Variants in BIRC6 observed in about 807,000 individuals in gnomAD.
BIRC6 encodes the protein dual E2 ubiquitin-conjugating enzyme/E3 ubiquitin-protein ligase BIRC6.
In BIRC6, 98 loss-of-function variants were observed where a neutral mutation model predicts 503.3. The observed-to-expected ratio is 0.19, with a 90% CI of 0.17 to 0.23. The LOEUF is 0.23. BIRC6 is among the 10% of genes least tolerant of loss of function. The pLI is 1.00. For synonymous variants in BIRC6, 2,240 were observed against 2,078.7 expected, an observed-to-expected ratio of 1.08 and a Z score of -2.11; for missense variants, 5,360 against 5,806.0, an observed-to-expected ratio of 0.92 and a Z score of 2.50.
rs546249929 is a variant in BIRC6 at position 32,525,456 on chromosome 2, T to C, written c.11756-8T>C. On this transcript the variant is annotated splice_polypyrimidine_tract_variant and splice_region_variant and intron_variant, in intron 58 of 73. Coordinates refer to ENST00000421745, the MANE Select transcript of BIRC6 (RefSeq NM_016252.4). ...CTATGTAGAATCTTACTGATCCTTTTCTTTTAGGGCTGAAGTCTCAATCTA... is the reference window on the plus strand; with the variant it reads ...CTATGTAGAATCTTACTGATCCTTTCCTTTTAGGGCTGAAGTCTCAATCTA... 3.1e-6 allele frequency: 5 copies of C among 1,613,940 alleles called. No homozygotes were observed. The African/African-American group carries it at 6.7e-5, about 22-fold the overall frequency.
At chr2:32,461,835 C>A (rs186500543) in intron 23 of BIRC6, among the ~76,000 whole-genome samples, 175 of 152,024 alleles carry the variant, frequency 1.2e-3, no homozygotes, top group African/African-American at 4.1e-3. Context: ...TATTTTTGTA[C>A]CTCATACGTA....
At position 32,597,743 on chromosome 2, in the gene BIRC6, C is replaced by A; in HGVS notation, c.13613-8C>A. ...AGTTCTGGGTTTTATTTTTTCTTCTCCTTTTAGATACGTTTGAAATGGTTT... is the reference window on the plus strand; with the variant it reads ...AGTTCTGGGTTTTATTTTTTCTTCTACTTTTAGATACGTTTGAAATGGTTT... On this transcript the variant is annotated splice_polypyrimidine_tract_variant and splice_region_variant and intron_variant, in intron 68 of 73. Transcript: ENST00000421745. The A allele has an allele frequency of 1.2e-6, 2 of 1,600,656 alleles. No individual in the cohort carries two copies. Among genetic ancestry groups the A allele is most frequent in the South Asian group, 1.1e-5 (1 of 90,494 alleles).
intron 49 of BIRC6, among the ~76,000 whole-genome samples, chr2:32,503,885 T>C (rs1180614939): frequency 6.6e-6 from 1 of 151,856 alleles, no homozygotes; most frequent in African/African-American, 2.4e-5. Context: ...TGGTGCTGTG[T>C]TTTGTTTTGA....
chr2:32,570,167 T>C (rs1159363480), intron 65 of BIRC6, among the ~76,000 whole-genome samples: 1 of 152,224 alleles, frequency 6.6e-6, no homozygotes, highest in Non-Finnish European at 1.5e-5. Context: ...GAAATGACTA[T>C]AGAGTTTTTG....
rs375238387 is a variant in BIRC6, at chr2:32,521,079, CA to C, written c.11623+2137del. ...TAATCGCTTTGGAAGTACACGACCT[CA>C]AAAGTTATATGTGCTGAATGTAACC... On this transcript the variant is annotated intron_variant, in intron 57 of 73. Coordinates refer to ENST00000421745, the MANE Select transcript of BIRC6 (RefSeq NM_016252.4). Among the ~76,000 whole-genome samples, 1,024 of 152,108 alleles carry C rather than the reference CA, an allele frequency of 6.7e-3. 6 individuals are homozygous for C. Among genetic ancestry groups the C allele is most frequent in the Middle Eastern group, 0.02 (6 of 294 alleles).
intron 1 of BIRC6, 70 bp from the exon 2 acceptor site, chr2:32,377,518 T>C (rs1036149398): frequency 3.7e-4 from 479 of 1,286,434 alleles, no homozygotes; most frequent in Non-Finnish European, 9.2e-5. Context: ...TTAGTCACTA[T>C]GTAAACATTT....
At chr2:32,453,779 G>A (rs775631645) in intron 22 of BIRC6, 29 bp from the exon 23 acceptor site, 18 of 1,604,134 alleles carry the variant, frequency 1.1e-5, no homozygotes, top group Non-Finnish European at 1.5e-5. Flanking sequence ...TTATCTTCAC[G>A]TGTTATAAAA....
chr2:32,418,588 G>T (rs2042618718), intron 10 of BIRC6, among the ~76,000 whole-genome samples: 1 of 152,112 alleles, frequency 6.6e-6, no homozygotes, highest in Non-Finnish European at 1.5e-5. Context: ...CTTGCTGTAG[G>T]TCATCTAAAA....
Position 32,515,067 on chromosome 2 carries a change from T to C in BIRC6, c.10646T>C (p.Met3549Thr). ...GCTGTTGACAGTCTACTTTGCTCAA[T>C]GTGTCACGTACACCCAAACTATTTT... Reference protein sequence around the residue: ...KKAVDSLLCSMCHVHPNYFSL... With the variant: ...KKAVDSLLCSTCHVHPNYFSL... The change falls in exon 55 of 74, where the codon ATG becomes ACG. Residue 3549 changes from methionine to threonine, a missense_variant. By Grantham distance (81) the Met-to-Thr change is moderately conservative. Coordinates refer to ENST00000421745, the MANE Select transcript of BIRC6 (RefSeq NM_016252.4). 1 of 1,613,978 alleles carries C rather than the reference T, an allele frequency of 6.2e-7. No homozygotes were observed. Among genetic ancestry groups the C allele is most frequent in the East Asian group, 2.2e-5 (1 of 44,874 alleles).
In BIRC6 at chr2:32,416,051, T is replaced by C. The variant is rs1294479002; in HGVS notation, c.2760T>C (p.Phe920=). ...TAAAAATACTAGATCTTTCAAACTT[T>C]GAAATTTTGGCCAAAGTGGAGCCTC... ...GYVKILDLSN[F]EILAKVEPPK... is the part of the protein sequence containing the mutation. The change falls in exon 10 of 74, where the codon TTT becomes TTC. Residue 920 remains phenylalanine, a synonymous_variant. Coordinates refer to ENST00000421745, the MANE Select transcript of BIRC6 (RefSeq NM_016252.4). 5 of 1,613,756 alleles carry C rather than the reference T, an allele frequency of 3.1e-6. No homozygotes were observed. The African/African-American group carries it at 5.3e-5, about 17-fold the overall frequency.
chr2:32,472,501 A>G (rs2049216465), intron 32 of BIRC6, among the ~76,000 whole-genome samples: 1 of 152,364 alleles, frequency 6.6e-6, no homozygotes, highest in East Asian at 1.9e-4. Flanking sequence ...GGGTTTGAAG[A>G]ACTTGAACTA....
intron 14 of BIRC6, 102 bp from the exon 15 acceptor site, chr2:32,435,951 T>G (rs1340710299): frequency 1.6e-6 from 1 of 629,314 alleles, no homozygotes; most frequent in African/African-American, 1.9e-5. Context: ...AGTATGATAT[T>G]TTGTGTGGTG....
At chr2:32,597,649 T>G (rs765810961) in intron 68 of BIRC6, 102 bp from the exon 69 acceptor site, 62 of 806,416 alleles carry the variant, frequency 7.7e-5, no homozygotes, top group Non-Finnish European at 1.2e-4. Flanking sequence ...TGGTTGGAAG[T>G]TCTCTCCAGT....
At chr2:32,395,794 A>G (rs1318254506) in intron 6 of BIRC6, among the ~76,000 whole-genome samples, 1 of 152,202 alleles carries the variant, frequency 6.6e-6, no homozygotes, top group Non-Finnish European at 1.5e-5. Context: ...CTTTCTAAAA[A>G]TTGTACACAA....
intron 25 of BIRC6, 59 bp downstream of exon 25, chr2:32,464,882 TC>T (rs2048359042): frequency 9.8e-6 from 15 of 1,530,546 alleles, no homozygotes; most frequent in Non-Finnish European, 1.3e-5. Flanking sequence ...TGAAATATAC[TC>T]TAACTTTAGA....
intron 73 of BIRC6, among the ~76,000 whole-genome samples, chr2:32,614,880 A>C (rs1295835957): frequency 3.3e-5 from 5 of 152,122 alleles, no homozygotes; most frequent in African/African-American, 1.2e-4. Context: ...CTCCACAATA[A>C]AATCATAGTA....
chr2:32,435,109 A>T (rs1057259836), intron 13 of BIRC6, among the ~76,000 whole-genome samples: 1 of 152,046 alleles, frequency 6.6e-6, no homozygotes, highest in Non-Finnish European at 1.5e-5. Context: ...GTGTATATGG[A>T]TATGTTCATA....
rs2061044366 is a variant in BIRC6 at position 32,586,506 on chromosome 2, A to C, written c.13356-7409A>C. ...ATGTGGCACTATATCGGCTCACTGC[A>C]ACCTCCACCACCCAGAGCGATCCTC... On this transcript the variant is annotated intron_variant, in intron 66 of 73. Transcript: ENST00000421745. Among the ~76,000 whole-genome samples, 3 of 140,470 alleles carry C rather than the reference A, an allele frequency of 2.1e-5. No individual in the cohort carries two copies. In the South Asian group the frequency reaches 6.7e-4, roughly 31 times the overall value. The allele number at this position is 140,470 out of a possible 152,430, so 92.2% of individuals were successfully genotyped here. A position where few individuals can be genotyped will look rare whatever the true frequency, so the allele number is the denominator to read the frequency against.
At position 32,597,810 on chromosome 2, in the gene BIRC6, C is replaced by G; in HGVS notation, c.13672C>G (p.His4558Asp). Residue 4558 changes from histidine to aspartate, a missense_variant, in exon 69 of 74, where the codon CAC (histidine) becomes GAC (aspartate). By Grantham distance (81) the His-to-Asp change is moderately conservative (BLOSUM62 -1). Transcript: ENST00000421745. ...DGKLGFKVNYHYMSQVKNAND... is the reference protein window; with the variant it reads ...DGKLGFKVNYDYMSQVKNAND... ...GAAATTGGGATTTAAAGTAAATTACCACTACATGTCTCAGGTGAAAAATGC... is the reference window on the plus strand; with the variant it reads ...GAAATTGGGATTTAAAGTAAATTACGACTACATGTCTCAGGTGAAAAATGC... 6.2e-7 allele frequency: 1 copy of G among 1,613,506 alleles called. No homozygotes were observed. Among genetic ancestry groups the G allele is most frequent in the Non-Finnish European group, 8.5e-7 (1 of 1,179,640 alleles).
Sources: gnomAD v4.1 joint callset for allele counts (sites outside exome capture counted in the v4.1 genomes callset) on GRCh38, gnomAD v4.1.1 for gene constraint, MANE v1.5 for transcripts, NCBI Gene and HGNC (gene_info 2026-07-23, HGNC 2026-07-21) for gene names.